Variants in ZNF609 observed in about 807,000 individuals in gnomAD.
The protein encoded by ZNF609 is zinc finger protein 609.
Under a neutral mutation model 109.5 loss-of-function variants are expected in ZNF609, and 11 were observed. The observed-to-expected ratio is 0.10, with a 90% CI of 0.06 to 0.17. The LOEUF is 0.17. Among genes scored for constraint, ZNF609 ranks in the 10% least tolerant of loss-of-function variants. The probability of loss-of-function intolerance (pLI) is 1.00; values close to 1 mark genes in which losing one functional copy is unlikely to be tolerated. For synonymous variants in ZNF609, 646 were observed against 662.0 expected (o/e 0.98, Z 0.37); for missense variants, 1,559 against 1,772.4 (o/e 0.88, Z 2.16).
At chr15:64,571,143 A>T (rs1329636851) in intron 2 of ZNF609, among the ~76,000 whole-genome samples, 1 of 152,218 alleles carries the variant, frequency 6.6e-6, no homozygotes, top group Admixed American at 6.5e-5. Context: ...TAAGGTTGAT[A>T]ACAAATTCCT....
At chr15:64,608,492 T>C in intron 2 of ZNF609, among the ~76,000 whole-genome samples, 1 of 152,202 alleles carries the variant, frequency 6.6e-6, no homozygotes. Context: ...TGGGTGTGTG[T>C]AGTTCCATAC....
intron 3 of ZNF609, among the ~76,000 whole-genome samples, chr15:64,667,904 C>G (rs1393369002): frequency 6.6e-6 from 1 of 152,148 alleles, no homozygotes; most frequent in Admixed American, 6.6e-5. Flanking sequence ...AACCCCCAAC[C>G]AGCCTTATGA....
At position 64,499,485 on chromosome 15, in the gene ZNF609, C is replaced by CA; in HGVS notation, c.67dup (p.Ser23LysfsTer4). The CA allele has an allele frequency of 6.2e-7, 1 of 1,614,028 alleles. No individual in the cohort carries two copies. The highest frequency in any genetic ancestry group is 8.5e-7 in the Non-Finnish European group (1 of 1,180,028). On this transcript the variant is annotated frameshift_variant, in exon 2 of 10. Coordinates refer to ENST00000326648, the MANE Select transcript of ZNF609 (RefSeq NM_015042.2). LOFTEE classifies it high-confidence loss of function. ...ATGCAAACCCGGTTGAGACATACGA[C>CA]AGTGGGGATGAATGGGACATTGGAG...
chr15:64,464,016 A>T (rs1892977387), intron 1 of ZNF609, among the ~76,000 whole-genome samples: 1 of 152,142 alleles, frequency 6.6e-6, no homozygotes, highest in East Asian at 1.9e-4. Context: ...CATCATTCAA[A>T]GAGTGCTTTG....
chr15:64,520,632 T>C (rs1893878672), intron 2 of ZNF609, among the ~76,000 whole-genome samples: 1 of 152,188 alleles, frequency 6.6e-6, no homozygotes, highest in Non-Finnish European at 1.5e-5. Context: ...TAATATTTTT[T>C]TTCCCACACG....
At chr15:64,603,772 A>C (rs1895545857) in intron 2 of ZNF609, among the ~76,000 whole-genome samples, 1 of 151,436 alleles carries the variant, frequency 6.6e-6, no homozygotes, top group African/African-American at 2.4e-5. Context: ...AGGCCGAGGC[A>C]GGTGGATCAT....
chr15:64,545,617 C>T (rs1894345949), intron 2 of ZNF609, among the ~76,000 whole-genome samples: 1 of 152,164 alleles, frequency 6.6e-6, no homozygotes. Flanking sequence ...ACCCCCAAAA[C>T]CAAGATGTAG....
chr15:64,556,750 T>G (rs577485501), intron 2 of ZNF609, among the ~76,000 whole-genome samples: 1 of 152,340 alleles, frequency 6.6e-6, no homozygotes, highest in African/African-American at 2.4e-5. Context: ...TACCTTCCGA[T>G]TTTTAGCCTC....
chr15:64,596,443 C>T (rs895913190), intron 2 of ZNF609, among the ~76,000 whole-genome samples: 2 of 151,938 alleles, frequency 1.3e-5, no homozygotes, highest in African/African-American at 2.4e-5. Flanking sequence ...CGTGAGCCAC[C>T]GTGCTCTATG....
At chr15:64,590,809 T>G (rs540169328) in intron 2 of ZNF609, among the ~76,000 whole-genome samples, 1 of 152,064 alleles carries the variant, frequency 6.6e-6, no homozygotes, top group African/African-American at 2.4e-5. Flanking sequence ...AAGGTAATGG[T>G]TATACTAACC....
At chr15:64,602,716 C>CTTTTTTTTTTTTTTTTTTTT (rs10600561) in intron 2 of ZNF609, among the ~76,000 whole-genome samples, 1 of 55,572 alleles carries the variant, frequency 1.8e-5, no homozygotes, top group African/African-American at 6.6e-5. Flanking sequence ...TTTTTTCTTT[C>CTTTTTTTTTTTTTTTTTTTT]TTTTTTTTTT....
intron 2 of ZNF609, among the ~76,000 whole-genome samples, chr15:64,571,012 C>G (rs920917333): frequency 3.9e-5 from 6 of 152,048 alleles, no homozygotes; most frequent in Admixed American, 3.3e-4. Flanking sequence ...GGCAACAGAG[C>G]GAGACTCTGT....
intron 2 of ZNF609, among the ~76,000 whole-genome samples, chr15:64,553,615 G>A (rs111893847): frequency 7.0e-6 from 1 of 142,726 alleles, no homozygotes; most frequent in African/African-American, 2.5e-5. Flanking sequence ...ATTTTATCTT[G>A]TGAGACAGAG....
intron 2 of ZNF609, among the ~76,000 whole-genome samples, chr15:64,569,032 C>A (rs1894821912): frequency 6.6e-6 from 1 of 152,182 alleles, no homozygotes; most frequent in Admixed American, 6.5e-5. Context: ...ATGAAGCTTG[C>A]TCTATGTATA....
intron 1 of ZNF609, among the ~76,000 whole-genome samples, chr15:64,479,360 C>T (rs575329752): frequency 1.5e-5 from 2 of 135,640 alleles, no homozygotes; most frequent in South Asian, 2.4e-4. Context: ...GGCGCAATCT[C>T]GGCTCACTGC....
rs970642168 is a variant in ZNF609 at position 64,685,936 on chromosome 15, C to T, written c.*4250C>T. 1 of 152,222 alleles carries T rather than the reference C, an allele frequency of 6.6e-6. No individual in the cohort carries two copies. The highest frequency in any genetic ancestry group is 1.5e-5 in the Non-Finnish European group (1 of 68,048). 9.4% of individuals were successfully genotyped at this position (152,222 alleles called of 1,614,324 possible). On this transcript the variant is annotated 3_prime_UTR_variant, in exon 10 of 10. Transcript: ENST00000326648. ...CATTGTTTGGCCGCTTTCTCTTTTC[C>T]TCTACCTTCCTCATCCCCACTTTTT...
intron 2 of ZNF609, among the ~76,000 whole-genome samples, chr15:64,599,233 T>A (rs999531485): frequency 6.0e-4 from 77 of 129,286 alleles, no homozygotes; most frequent in African/African-American, 2.0e-3. Context: ...AAGTAAAAAA[T>A]TTTAAAAACA....
intron 1 of ZNF609, among the ~76,000 whole-genome samples, chr15:64,484,957 G>A (rs753578831): frequency 8.5e-5 from 13 of 152,144 alleles, no homozygotes; most frequent in Admixed American, 3.3e-4. Flanking sequence ...TTGGGCGACA[G>A]CGAGACTCCG....
intron 2 of ZNF609, among the ~76,000 whole-genome samples, chr15:64,561,234 G>A (rs1160982106): frequency 6.6e-6 from 1 of 151,876 alleles, no homozygotes; most frequent in Non-Finnish European, 1.5e-5. Context: ...CTATTACTTT[G>A]TTTTGTTTTA....
Sources: gnomAD v4.1 joint callset for allele counts (sites outside exome capture counted in the v4.1 genomes callset) on GRCh38, gnomAD v4.1.1 for gene constraint, MANE v1.5 for transcripts, NCBI Gene and HGNC (gene_info 2026-07-23, HGNC 2026-07-21) for gene names.